The following CMIP variants were observed in gnomAD, a reference collection of about 807,000 sequenced individuals.
CMIP encodes c-Maf inducing protein.
In CMIP, 13 loss-of-function variants were observed where a neutral mutation model predicts 97.3. The ratio of observed to expected loss-of-function variants is 0.13; its 90% confidence interval spans 0.09 to 0.21. CMIP has a LOEUF of 0.21. CMIP is among the 10% of genes least tolerant of loss of function. The probability of loss-of-function intolerance (pLI) is 1.00; values close to 1 mark genes in which losing one functional copy is unlikely to be tolerated. For synonymous variants in CMIP, 538 were observed against 436.3 expected (o/e 1.23, Z -2.91); for missense variants, 847 against 1,024.9 (o/e 0.83, Z 2.37).
chr16:81,706,012 C>T (rs1377395345), intron 19 of CMIP, among the ~76,000 whole-genome samples: 2 of 152,304 alleles, frequency 1.3e-5, no homozygotes, highest in South Asian at 2.1e-4. Flanking sequence ...CCTCCTGACT[C>T]AGACACCGTA....
chr16:81,614,982 T>C lies in CMIP; in HGVS notation c.427-5894T>C, dbSNP rs532060811. Among the ~76,000 whole-genome samples the C allele has an allele frequency of 7.6e-3, 1,151 of 151,190 alleles. 14 individuals carry two copies. Among genetic ancestry groups the C allele is most frequent in the African/African-American group, 0.025 (1,039 of 41,124 alleles). On this transcript the variant is annotated intron_variant, in intron 2 of 20. Transcript: ENST00000537098. The surrounding 1 kb of genome is among the most constrained non-coding windows in gnomAD (Gnocchi z 5.3). ...GGTGTGTTGTGTGATATGTGACGTG[T>C]GTGTGTGGTGTATGTGTCTATATGT...
chr16:81,621,077 T>TG lies in CMIP; in HGVS notation c.477+153dup. 1 of 816,848 alleles carries TG rather than the reference T, an allele frequency of 1.2e-6. No homozygotes were observed. Among genetic ancestry groups the TG allele is most frequent in the South Asian group, 1.7e-5 (1 of 58,476 alleles). 50.6% of individuals were successfully genotyped at this position (816,848 alleles called of 1,614,324 possible). On this transcript the variant is annotated intron_variant, in intron 3 of 20. Transcript: ENST00000537098. This position sits in a 1 kb window ranked among gnomAD's most constrained non-coding sequence, Gnocchi z 4.1. ...CTTTGTTCCCCTACCTAAGAGCCCC[T>TG]GGCCCTTCGTCCTCTGCTGTTCAAT... is the stretch of plus-strand genomic sequence containing the variant.
chr16:81,534,706 A>G (rs2090308109), intron 1 of CMIP, among the ~76,000 whole-genome samples: 1 of 152,146 alleles, frequency 6.6e-6, no homozygotes, highest in Non-Finnish European at 1.5e-5. Flanking sequence ...TACACCCAGG[A>G]TAAATTTTTG....
chr16:81,647,872 GC>G (rs2092381213), intron 3 of CMIP, among the ~76,000 whole-genome samples: 1 of 151,282 alleles, frequency 6.6e-6, no homozygotes, highest in Admixed American at 6.6e-5. Flanking sequence ...GGGAACAGGG[GC>G]CTGCCTGCAG....
At chr16:81,632,978 C>T (rs577269206) in intron 3 of CMIP, among the ~76,000 whole-genome samples, 5 of 152,092 alleles carry the variant, frequency 3.3e-5, no homozygotes, top group South Asian at 4.2e-4. Flanking sequence ...GGGTTGTCAT[C>T]GTTTCTTTGG....
rs142896651 is a variant in CMIP, at chr16:81,600,927, CCTT to C, written c.301-6639_301-6637del. On this transcript the variant is annotated intron_variant, in intron 1 of 20. Coordinates refer to ENST00000537098, the MANE Select transcript of CMIP (RefSeq NM_198390.3). ...GGCTGCCATCCAACTTCTCGTTTCT[CCTT>C]TGGGGCCCCAGGGTGTGTGTGCAGG... 9.2e-3 allele frequency among the ~76,000 whole-genome samples: 1,394 copies of C among 152,266 alleles called. 10 individuals carry two copies. The highest frequency in any genetic ancestry group is 0.013 in the Non-Finnish European group (889 of 68,018).
At chr16:81,494,336 T>C (rs972201376) in intron 1 of CMIP, among the ~76,000 whole-genome samples, 2 of 152,170 alleles carry the variant, frequency 1.3e-5, no homozygotes, top group Non-Finnish European at 2.9e-5. Context: ...GTGCTGGGAA[T>C]GGAGCAGATG....
At chr16:81,457,906 C>T (rs920877814) in intron 1 of CMIP, among the ~76,000 whole-genome samples, 3 of 152,242 alleles carry the variant, frequency 2.0e-5, no homozygotes, top group Non-Finnish European at 2.9e-5. Context: ...CTGGCCTGGG[C>T]GTTGGCAAGC....
chr16:81,531,067 CCTT>C (rs2090225361), intron 1 of CMIP, among the ~76,000 whole-genome samples: 1 of 152,150 alleles, frequency 6.6e-6, no homozygotes, highest in African/African-American at 2.4e-5. Flanking sequence ...GTGAGCATGA[CCTT>C]CTTTGGAAAT....
chr16:81,520,571 A>AGG (rs1319099489), intron 1 of CMIP: 1 of 78,992 alleles, frequency 1.3e-5, no homozygotes, highest in Non-Finnish European at 2.3e-5. Flanking sequence ...AGGAAGGGGG[A>AGG]GAGAGAGAGA....
chr16:81,698,044 G>C (rs561470603), intron 14 of CMIP: 1 of 144,548 alleles, frequency 6.9e-6, no homozygotes, highest in Non-Finnish European at 1.5e-5. Flanking sequence ...GCAAGAAAGC[G>C]CAGGGAGCTG....
chr16:81,544,772 C>G (rs951652484), intron 1 of CMIP, among the ~76,000 whole-genome samples: 1 of 151,286 alleles, frequency 6.6e-6, no homozygotes, highest in African/African-American at 2.4e-5. Flanking sequence ...TGGAGTGTTG[C>G]GTGTGTGCAC....
At chr16:81,553,451 G>C (rs1451353375) in intron 1 of CMIP, among the ~76,000 whole-genome samples, 2 of 152,200 alleles carry the variant, frequency 1.3e-5, no homozygotes, top group Non-Finnish European at 1.5e-5. Flanking sequence ...TCCTCCTCTC[G>C]GGCCAGAAAG....
chr16:81,664,756 G>A, intron 7 of CMIP: 2 of 378,264 alleles, frequency 5.3e-6, no homozygotes, highest in Non-Finnish European at 4.7e-6. Context: ...GCCTTGCAGT[G>A]GAGAAACCAG....
intron 3 of CMIP, among the ~76,000 whole-genome samples, chr16:81,638,634 G>A (rs576313508): frequency 4.6e-5 from 7 of 151,698 alleles, no homozygotes; most frequent in Non-Finnish European, 5.9e-5. Context: ...AGAAGAACCC[G>A]GCAGCTTCTG....
chr16:81,608,588 C>G (rs1021520495), intron 2 of CMIP, among the ~76,000 whole-genome samples: 1 of 152,076 alleles, frequency 6.6e-6, no homozygotes, highest in African/African-American at 2.4e-5. Context: ...CCGGATTACC[C>G]GCCCACCCTT....
At chr16:81,514,425 G>A (rs1036007705) in intron 1 of CMIP, among the ~76,000 whole-genome samples, 3 of 152,178 alleles carry the variant, frequency 2.0e-5, no homozygotes, top group Non-Finnish European at 4.4e-5. Flanking sequence ...GGTCAGGAGT[G>A]TGACGAGACC....
intron 13 of CMIP, 51 bp downstream of exon 13, chr16:81,693,538 T>C: frequency 6.3e-7 from 1 of 1,580,052 alleles, no homozygotes; most frequent in South Asian, 1.2e-5. Context: ...GATGGCAGGA[T>C]GCACGAGGGC....
chr16:81,701,678 G>A lies in CMIP; in HGVS notation c.1774G>A (p.Glu592Lys), dbSNP rs1180430893. The change falls in exon 16 of 21, where the codon GAA becomes AAA. Residue 592 changes from glutamate to lysine, a missense_variant. Glu to Lys is a moderately conservative substitution (Grantham distance 56, BLOSUM62 1). This residue lies in a region of CMIP where 266 missense variants were observed against 384.2 expected (regional missense o/e 0.69). Transcript: ENST00000537098. The stretch of plus-strand genomic sequence containing the variant: ...TGGACAGATCCTGTGCTTGATGCTG[G>A]AATACAACATCATCGACAACAACGA... Reference protein sequence around the residue: ...TMVEILCLMLEYNIIDNNDTQ... With the variant: ...TMVEILCLMLKYNIIDNNDTQ... 6.2e-7 allele frequency: 1 copy of A among 1,613,792 alleles called. No individual in the cohort carries two copies. The highest frequency in any genetic ancestry group is 1.1e-5 in the South Asian group (1 of 91,088).
Sources: gnomAD v4.1 joint callset for allele counts (sites outside exome capture counted in the v4.1 genomes callset) on GRCh38, gnomAD v4.1.1 for gene constraint, gnomAD v4.1.1 regional missense constraint, Gnocchi (gnomAD v3.1) non-coding constraint, MANE v1.5 for transcripts, NCBI Gene and HGNC (gene_info 2026-07-23, HGNC 2026-07-21) for gene names.